RELN: variants seen among roughly 807,000 people sequenced by gnomAD.
RELN encodes the protein reelin.
In RELN, 108 loss-of-function variants were observed where a neutral mutation model predicts 427.6. The observed-to-expected ratio is 0.25, with a 90% CI of 0.22 to 0.30. The LOEUF (loss-of-function observed/expected upper bound fraction) is 0.30. Among genes scored for constraint, RELN ranks in the 10% least tolerant of loss-of-function variants. The probability of loss-of-function intolerance (pLI) is 1.00; values close to 1 mark genes in which losing one functional copy is unlikely to be tolerated. For synonymous variants in RELN, 1,524 were observed against 1,513.4 expected (o/e 1.01, Z -0.16); for missense variants, 3,715 against 4,302.8 (o/e 0.86, Z 3.82).
intron 41 of RELN, among the ~76,000 whole-genome samples, chr7:103,546,692 C>CT (rs1401135197): frequency 2.0e-5 from 3 of 152,138 alleles, no homozygotes; most frequent in Non-Finnish European, 4.4e-5. Flanking sequence ...GTCCATGTCT[C>CT]TTTCTTTTTT....
intron 11 of RELN, among the ~76,000 whole-genome samples, chr7:103,670,911 C>T (rs1562949709): frequency 6.6e-6 from 1 of 152,002 alleles, no homozygotes; most frequent in African/African-American, 2.4e-5. Flanking sequence ...TATTAAAACA[C>T]CTAAAGTTGG....
At chr7:103,756,576 A>G (rs1308347142) in intron 4 of RELN, among the ~76,000 whole-genome samples, 2 of 152,312 alleles carry the variant, frequency 1.3e-5, no homozygotes, top group African/African-American at 4.8e-5. Context: ...AATATATTTT[A>G]TGATATTTCA....
At chr7:103,479,474 G>A (rs145090343) in intron 63 of RELN, among the ~76,000 whole-genome samples, 251 of 152,204 alleles carry the variant, frequency 1.6e-3, no homozygotes, top group African/African-American at 5.9e-3. Flanking sequence ...CTGTCAATTC[G>A]GTTAATCTGT....
chr7:103,541,175 G>T (rs1222392206), intron 43 of RELN, among the ~76,000 whole-genome samples: 5 of 152,128 alleles, frequency 3.3e-5, no homozygotes, highest in Non-Finnish European at 7.4e-5. Context: ...GCCGGCCAGT[G>T]GCAGCGTTCC....
chr7:103,833,731 G>C lies in RELN; in HGVS notation c.338-59C>G, dbSNP rs1316939678. 6 of 1,484,020 alleles carry C rather than the reference G, an allele frequency of 4.0e-6. 1 individual carries two copies. In the Admixed American group the frequency reaches 7.4e-5, roughly 18 times the overall value. 91.9% of individuals were successfully genotyped at this position (1,484,020 alleles called of 1,614,324 possible). On this transcript the variant is annotated intron_variant, in intron 2 of 64. Coordinates refer to ENST00000428762, the MANE Select transcript of RELN (RefSeq NM_005045.4). ...AACAAAACAAAGATCTTCCTATCAT[G>C]GCATCACAGTATTTTCTGAATATTT...
rs140120349 is a variant in RELN at position 103,845,036 on chromosome 7, T to C, written c.338-11364A>G. Reference sequence around the variant, plus strand: ...AGGATCTGATTATTTTAACTGTACATCCAGACTGGCTAAACTAAAAGAATT... The same window carrying C: ...AGGATCTGATTATTTTAACTGTACACCCAGACTGGCTAAACTAAAAGAATT... On this transcript the variant is annotated intron_variant, in intron 2 of 64. Transcript: ENST00000428762. Among the ~76,000 whole-genome samples the C allele has an allele frequency of 6.8e-3, 1,031 of 152,270 alleles. 11 individuals are homozygous for C. The highest frequency in any genetic ancestry group is 0.023 in the African/African-American group (947 of 41,546).
At chr7:103,867,971 C>T (rs899110016) in intron 2 of RELN, among the ~76,000 whole-genome samples, 9 of 151,984 alleles carry the variant, frequency 5.9e-5, no homozygotes, top group Non-Finnish European at 1.0e-4. Flanking sequence ...GTCTTTTTTC[C>T]TCCTGGCACC....
At chr7:103,474,742 A>T (rs1827972883) in intron 64 of RELN, among the ~76,000 whole-genome samples, 1 of 150,930 alleles carries the variant, frequency 6.6e-6, no homozygotes, top group African/African-American at 2.4e-5. Flanking sequence ...GTCGCCTTAT[A>T]GTTCTTTCCC....
intron 2 of RELN, among the ~76,000 whole-genome samples, chr7:103,861,400 A>G (rs1297974739): frequency 6.6e-6 from 1 of 152,170 alleles, no homozygotes; most frequent in African/African-American, 2.4e-5. Context: ...AAAAGCCTAA[A>G]GGTTGGCAGA....
chr7:103,595,434 G>C (rs1286618316), intron 25 of RELN, among the ~76,000 whole-genome samples: 1 of 151,874 alleles, frequency 6.6e-6, no homozygotes, highest in Non-Finnish European at 1.5e-5. Context: ...GCTTTCTGTT[G>C]GTCTGTTTGC....
At chr7:103,856,003 G>T (rs1793935450) in intron 2 of RELN, among the ~76,000 whole-genome samples, 1 of 152,024 alleles carries the variant, frequency 6.6e-6, no homozygotes, top group Admixed American at 6.6e-5. Context: ...ATGCCTCAAG[G>T]GAATGAAGAA....
chr7:103,829,208 G>A (rs1321928152), intron 3 of RELN, among the ~76,000 whole-genome samples: 2 of 151,926 alleles, frequency 1.3e-5, no homozygotes, highest in African/African-American at 4.8e-5. Flanking sequence ...TGTTGTAGTT[G>A]TTATTTTACA....
chr7:103,891,983 A>C (rs1289179130), intron 2 of RELN, among the ~76,000 whole-genome samples: 3 of 152,164 alleles, frequency 2.0e-5, no homozygotes, highest in Non-Finnish European at 4.4e-5. Context: ...AATGTGTCAG[A>C]GGCACAGAAT....
chr7:103,822,399 C>A (rs1009097855), intron 3 of RELN, among the ~76,000 whole-genome samples: 1 of 151,906 alleles, frequency 6.6e-6, no homozygotes, highest in Non-Finnish European at 1.5e-5. Context: ...AACTGCAAAT[C>A]AAAAATTCAA....
chr7:103,693,385 A>G (rs781593182), intron 10 of RELN, among the ~76,000 whole-genome samples: 1 of 151,944 alleles, frequency 6.6e-6, no homozygotes, highest in Non-Finnish European at 1.5e-5. Context: ...TAGGACAAAT[A>G]CTTTATGCAT....
In RELN at chr7:103,589,498, C is replaced by T. The variant is rs151258991; in HGVS notation, c.4145+98G>A. 2.5e-3 allele frequency: 2,007 copies of T among 803,490 alleles called. 11 individuals are homozygous for T. Among genetic ancestry groups the T allele is most frequent in the Middle Eastern group, 6.6e-3 (22 of 3,324 alleles). 49.8% of individuals were successfully genotyped at this position (803,490 alleles called of 1,614,324 possible). On this transcript the variant is annotated intron_variant, in intron 28 of 64. Transcript: ENST00000428762. ...ATTATTTTTCCCAGAATTGTATTTT[C>T]GGGGTTTTGATCTTTCAGGATTACA... is the stretch of plus-strand genomic sequence containing the variant.
In RELN at chr7:103,652,620, G is replaced by A; in HGVS notation, c.1694C>T (p.Pro565Leu). Residue 565 changes from proline to leucine, a missense_variant, in exon 14 of 65, where the codon CCT becomes CTT. Physicochemically the swap from Pro to Leu is moderately conservative, Grantham distance 98. Coordinates refer to ENST00000428762, the MANE Select transcript of RELN (RefSeq NM_005045.4). The stretch of plus-strand genomic sequence containing the variant: ...CTGTATCATGTGAGACATTGTAGAA[G>A]GGAGAACAGGCAAGACATGGAAAAA... Reference protein sequence around the residue: ...VDFFHVLPVLPSTMSHMIQFS... With the variant: ...VDFFHVLPVLLSTMSHMIQFS... 2 of 1,612,914 alleles carry A rather than the reference G, an allele frequency of 1.2e-6. No homozygotes were observed. Among genetic ancestry groups the A allele is most frequent in the East Asian group, 2.2e-5 (1 of 44,824 alleles).
At chr7:103,667,367 T>C (rs1833293823) in intron 11 of RELN, among the ~76,000 whole-genome samples, 1 of 152,236 alleles carries the variant, frequency 6.6e-6, no homozygotes. Context: ...TATTTTAACA[T>C]GTTAAATAAT....
At chr7:103,515,589 G>C (rs1003504664) in intron 49 of RELN, 148 bp from the exon 50 acceptor site, 10 of 957,438 alleles carry the variant, frequency 1.0e-5, no homozygotes, top group Non-Finnish European at 1.5e-5. Flanking sequence ...CAAAAACCAC[G>C]ATTAACTGGC....
Sources: allele counts gnomAD v4.1 joint callset (sites outside exome capture counted in the v4.1 genomes callset), GRCh38; gene constraint gnomAD v4.1.1; transcripts MANE v1.5; gene names NCBI Gene and HGNC (gene_info 2026-07-23, HGNC 2026-07-21).